VWCE: variants seen among roughly 807,000 people sequenced by gnomAD.
VWCE encodes von Willebrand factor C and EGF domains, also known as von Willebrand factor C and EGF domain-containing protein.
Under a neutral mutation model 102.9 loss-of-function variants are expected in VWCE, and 68 were observed. That is an observed-to-expected ratio of 0.66 (90% confidence interval 0.54 to 0.81). The LOEUF (loss-of-function observed/expected upper bound fraction) is 0.81. VWCE is among the 30% of genes least tolerant of loss of function. VWCE has a pLI of 0.00. For missense variants in VWCE, 1,137 were observed against 1,263.6 expected, an observed-to-expected ratio of 0.90 and a Z score of 1.52; for synonymous variants, 497 against 515.4, an observed-to-expected ratio of 0.96 and a Z score of 0.48.
intron 19 of VWCE, among the ~76,000 whole-genome samples, chr11:61,262,629 G>C (rs1230015069): frequency 6.6e-6 from 1 of 152,136 alleles, no homozygotes; most frequent in East Asian, 1.9e-4. Context: ...GGATTTGAAG[G>C]CTCAATGGAT....
chr11:61,281,276 A>G (rs1241484124), intron 7 of VWCE, 41 bp from the exon 8 acceptor site: 1 of 1,609,230 alleles, frequency 6.2e-7, no homozygotes, highest in Non-Finnish European at 8.5e-7. Flanking sequence ...TGGACAGCAG[A>G]GACAGGAGGC....
Position 61,265,045 on chromosome 11 carries a change from A to G in VWCE, c.2057-7T>C. On this transcript the variant is annotated splice_region_variant and splice_polypyrimidine_tract_variant and intron_variant, in intron 17 of 19. Coordinates refer to ENST00000335613, the MANE Select transcript of VWCE (RefSeq NM_152718.2). ...CTTCCCTCGTAGTTGCAGTCTGTGG[A>G]GGAAGGGGAGACAGGAGCCCATGAG... The G allele has an allele frequency of 6.2e-7, 1 of 1,614,076 alleles. No individual in the cohort carries two copies. Among genetic ancestry groups the G allele is most frequent in the Non-Finnish European group, 8.5e-7 (1 of 1,180,000 alleles).
Position 61,295,062 on chromosome 11 carries a change from G to T in VWCE, c.-25C>A. The T allele has an allele frequency of 2.3e-6, 3 of 1,315,518 alleles. No homozygotes were observed. Among genetic ancestry groups the T allele is most frequent in the South Asian group, 3.9e-5 (2 of 51,834 alleles). 81.5% of individuals were successfully genotyped at this position (1,315,518 alleles called of 1,614,324 possible). A position where few individuals can be genotyped will look rare whatever the true frequency, so the allele number is the denominator to read the frequency against. On this transcript the variant is annotated 5_prime_UTR_variant, in exon 1 of 20. Coordinates refer to ENST00000335613, the MANE Select transcript of VWCE (RefSeq NM_152718.2). This position sits in a 1 kb window ranked among gnomAD's most constrained non-coding sequence, Gnocchi z 4.6. ...TGACCGGCGGCGGCGGGTCCCCCGG[G>T]CTGGGCTCGGCTCCTGCGCCGCGCG...
Position 61,258,596 on chromosome 11 carries a change from T to C in VWCE, c.*79A>G, listed in dbSNP as rs1854253354. 3 of 1,293,068 alleles carry C rather than the reference T, an allele frequency of 2.3e-6. No individual in the cohort carries two copies. Among genetic ancestry groups the C allele is most frequent in the African/African-American group, 3.0e-5 (2 of 65,936 alleles). The allele number at this position is 1,293,068 out of a possible 1,614,324, so 80.1% of individuals were successfully genotyped here. ...AGCCCAGGCATCCCCACCAGGTTCA[T>C]CCTTGGAGCTGCCCTGCACACACCC... On this transcript the variant is annotated 3_prime_UTR_variant, in exon 20 of 20. Coordinates refer to ENST00000335613, the MANE Select transcript of VWCE (RefSeq NM_152718.2).
intron 1 of VWCE, among the ~76,000 whole-genome samples, chr11:61,292,992 A>C (rs1258580829): frequency 6.6e-6 from 1 of 152,070 alleles, no homozygotes; most frequent in African/African-American, 2.4e-5. Flanking sequence ...TTGTAATCCC[A>C]GCACTTTGGG....
Position 61,295,136 on chromosome 11 carries a change from A to G in VWCE, c.-99T>C, listed in dbSNP as rs2134872659. 1.5e-6 allele frequency: 1 copy of G among 688,994 alleles called. No homozygotes were observed. The highest frequency in any genetic ancestry group is 2.1e-6 in the Non-Finnish European group (1 of 484,728). 42.7% of individuals were successfully genotyped at this position (688,994 alleles called of 1,614,324 possible). The stretch of plus-strand genomic sequence containing the variant: ...CGCCCCTCCTCCTGGCGCCGTGGGG[A>G]GCGAACCAGCGATCCCCGAAATGGC... On this transcript the variant is annotated 5_prime_UTR_variant, in exon 1 of 20. Transcript: ENST00000335613. This position sits in a 1 kb window ranked among gnomAD's most constrained non-coding sequence, Gnocchi z 4.6.
chr11:61,260,100 C>G (rs539790205), intron 19 of VWCE, among the ~76,000 whole-genome samples: 2 of 152,252 alleles, frequency 1.3e-5, no homozygotes, highest in South Asian at 4.1e-4. Context: ...ACTAAAAATA[C>G]AAAACTTAAC....
At position 61,267,583 on chromosome 11, in the gene VWCE, G is replaced by A; in HGVS notation, c.1883-39C>T. The A allele has an allele frequency of 3.1e-6, 5 of 1,604,446 alleles. No individual in the cohort carries two copies. In the South Asian group the frequency reaches 5.5e-5, roughly 18 times the overall value. On this transcript the variant is annotated intron_variant, in intron 15 of 19. Transcript: ENST00000335613. ...CATGCGCTGAGCACCAGCTGGGAGT[G>A]GCCAGGCACCAGGCTTCCCGCCAGG...
At chr11:61,269,089 A>G (rs1854595081) in intron 14 of VWCE, 71 bp from the exon 15 acceptor site, 1 of 1,449,178 alleles carries the variant, frequency 6.9e-7, no homozygotes, top group African/African-American at 1.4e-5. Flanking sequence ...CCTGCAAAAG[A>G]AACAGCAACG....
At chr11:61,278,811 C>T (rs1279811061) in intron 9 of VWCE, among the ~76,000 whole-genome samples, 2 of 152,064 alleles carry the variant, frequency 1.3e-5, no homozygotes, top group Non-Finnish European at 2.9e-5. Context: ...GAGGCCAAGG[C>T]GGGCAGACCA....
chr11:61,286,487 A>G (rs959988852), intron 4 of VWCE, 57 bp from the exon 5 acceptor site: 16 of 1,522,680 alleles, frequency 1.1e-5, no homozygotes, highest in Admixed American at 6.7e-5. Context: ...GAACTTACAC[A>G]TTTGTCAGTG....
rs887379238 is a variant in VWCE, at chr11:61,294,900, G to A, written c.110+28C>T. ...CGCCGGTAGCGCTCTCCCGGGCGGG[G>A]GAGCGGGGAGGAGCTCCGGGCGCTT... On this transcript the variant is annotated intron_variant, in intron 1 of 19. Transcript: ENST00000335613. This position sits in a 1 kb window ranked among gnomAD's most constrained non-coding sequence, Gnocchi z 6.3. The A allele has an allele frequency of 3.0e-6, 4 of 1,350,458 alleles. No homozygotes were observed. The highest frequency in any genetic ancestry group is 2.9e-6 in the Non-Finnish European group (3 of 1,039,242). 83.7% of individuals were successfully genotyped at this position (1,350,458 alleles called of 1,614,324 possible).
chr11:61,291,703 G>T, intron 1 of VWCE, 127 bp from the exon 2 acceptor site: 1 of 790,956 alleles, frequency 1.3e-6, no homozygotes, highest in Non-Finnish European at 1.8e-6. Flanking sequence ...GAGGGGCAAT[G>T]GGAAGTTTCC....
At position 61,281,137 on chromosome 11, in the gene VWCE, G is replaced by A. The variant is rs150050055; in HGVS notation, c.886C>T (p.Leu296=). 1.4e-5 allele frequency: 23 copies of A among 1,613,732 alleles called. 1 individual carries two copies. In the African/African-American group the frequency reaches 1.7e-4, roughly 12 times the overall value. The change falls in exon 8 of 20, where the codon CTG becomes TTG. Residue 296 remains leucine (L), a synonymous_variant. Transcript: ENST00000335613. Reference sequence around the variant, plus strand: ...GAAGGAGGGCTATGTCCTGGGGACAGGGCAGGCCGGCCGGCCTCAGGAAGC... The same window carrying A: ...GAAGGAGGGCTATGTCCTGGGGACAAGGCAGGCCGGCCGGCCTCAGGAAGC... ...LLLPEAGRPA[L]SPGHSPPSGA... is the part of the protein sequence containing the mutation.
At chr11:61,291,688 G>T (rs758997791) in intron 1 of VWCE, 112 bp from the exon 2 acceptor site, 46 of 893,324 alleles carry the variant, frequency 5.1e-5, no homozygotes, top group Non-Finnish European at 7.0e-5. Context: ...CTCAAGAACT[G>T]TCTGGAGGGG....
intron 9 of VWCE, among the ~76,000 whole-genome samples, chr11:61,279,713 A>G (rs551236207): frequency 6.6e-6 from 1 of 152,186 alleles, no homozygotes; most frequent in East Asian, 1.9e-4. Context: ...GACCAACTGA[A>G]TGAGAATCTG....
At chr11:61,289,054 G>T (rs1428095169) in intron 4 of VWCE, among the ~76,000 whole-genome samples, 3 of 151,824 alleles carry the variant, frequency 2.0e-5, no homozygotes, top group African/African-American at 7.3e-5. Context: ...GGTCATGGCT[G>T]GTCTCGAACC....
chr11:61,264,225 CAAAAAAA>C (rs547085588), intron 19 of VWCE, among the ~76,000 whole-genome samples: 8 of 19,988 alleles, frequency 4.0e-4, no homozygotes, highest in East Asian at 4.4e-3. Context: ...GACTCAGTCT[CAAAAAAA>C]AAAAAAAAAA....
chr11:61,269,155 C>T, intron 14 of VWCE, 137 bp from the exon 15 acceptor site: 2 of 726,630 alleles, frequency 2.8e-6, no homozygotes, highest in Non-Finnish European at 4.7e-6. Flanking sequence ...TGGAAGATGG[C>T]AGGTCTCCCC....
Sources: gnomAD v4.1 joint callset for allele counts (sites outside exome capture counted in the v4.1 genomes callset) on GRCh38, gnomAD v4.1.1 for gene constraint, Gnocchi (gnomAD v3.1) non-coding constraint, MANE v1.5 for transcripts, NCBI Gene and HGNC (gene_info 2026-07-23, HGNC 2026-07-21) for gene names.